Variants in SAMD13 observed in about 807,000 individuals in gnomAD.
SAMD13 encodes the protein sterile alpha motif domain-containing protein 13.
Under a neutral mutation model 12.4 loss-of-function variants are expected in SAMD13, and 9 were observed. That is an observed-to-expected ratio of 0.72 (90% CI 0.44 to 1.26). SAMD13 has a LOEUF of 1.26. Among genes scored for constraint, SAMD13 ranks in the 50% most tolerant of loss-of-function variants. The probability of loss-of-function intolerance (pLI) is 0.00; values close to 1 mark genes in which losing one functional copy is unlikely to be tolerated. For missense variants in SAMD13, 84 were observed against 119.6 expected (o/e 0.70, Z 1.39); for synonymous variants, 46 against 45.4 (o/e 1.01, Z -0.05).
At chr1:84,341,640 T>C (rs1413425708) in intron 3 of SAMD13, among the ~76,000 whole-genome samples, 1 of 152,058 alleles carries the variant, frequency 6.6e-6, no homozygotes. Flanking sequence ...AGCTCCCTGG[T>C]CAATCATTGG....
intron 3 of SAMD13, among the ~76,000 whole-genome samples, chr1:84,340,616 A>G (rs1679403048): frequency 6.6e-6 from 1 of 152,218 alleles, no homozygotes; most frequent in Admixed American, 6.5e-5. Flanking sequence ...GCCAGCCATA[A>G]TATATGTCAT....
At chr1:84,343,329 T>G (rs1253637062) in intron 3 of SAMD13, among the ~76,000 whole-genome samples, 1 of 152,224 alleles carries the variant, frequency 6.6e-6, no homozygotes, top group African/African-American at 2.4e-5. Context: ...AGGAATACCA[T>G]TTGATTCAGC....
At chr1:84,328,107 C>A (rs1679097807) in intron 3 of SAMD13, among the ~76,000 whole-genome samples, 1 of 152,192 alleles carries the variant, frequency 6.6e-6, no homozygotes, top group Admixed American at 6.5e-5. Flanking sequence ...AGCTTTTGCT[C>A]AGACTCCTTG....
chr1:84,325,338 G>A (rs1679034156), intron 2 of SAMD13, among the ~76,000 whole-genome samples: 1 of 152,140 alleles, frequency 6.6e-6, no homozygotes, highest in Admixed American at 6.5e-5. Context: ...CAGGAAGAGA[G>A]AGCGGTATGT....
rs553761794 is a variant in SAMD13 at position 84,331,354 on chromosome 1, A to AAAAAAAAAAATAC, written c.165+5610_165+5611insAAAAAATACAAAA. On this transcript the variant is annotated intron_variant, in intron 3 of 3. Transcript: ENST00000394834. ...AAAAAAAAAAAAAAAAAAAAAAAAAAAAAATTATGGATACAAACTTGTTAA... is the reference window on the plus strand; with the variant it reads ...AAAAAAAAAAAAAAAAAAAAAAAAAAAAAAAAAAAATACAAAATTATGGATACAAACTTGTTAA... Among the ~76,000 whole-genome samples, 22 of 82,458 alleles carry AAAAAAAAAAATAC rather than the reference A, an allele frequency of 2.7e-4. 6 individuals are homozygous for AAAAAAAAAAATAC. The highest frequency in any genetic ancestry group is 1.7e-3 in the South Asian group (4 of 2,336). 54.1% of individuals were successfully genotyped at this position (82,458 alleles called of 152,430 possible).
chr1:84,341,531 G>T (rs369084646), intron 3 of SAMD13, among the ~76,000 whole-genome samples: 12 of 152,096 alleles, frequency 7.9e-5, no homozygotes, highest in African/African-American at 2.7e-4. Flanking sequence ...TAGAGAAGCT[G>T]GATTGCTGGA....
chr1:84,311,257 A>G (rs1321873995), intron 2 of SAMD13, among the ~76,000 whole-genome samples: 2 of 150,930 alleles, frequency 1.3e-5, no homozygotes, highest in African/African-American at 4.9e-5. Flanking sequence ...AATCGCTTGA[A>G]CCCAGGAGGC....
intron 3 of SAMD13, 73 bp downstream of exon 3, chr1:84,325,821 A>G: frequency 1.1e-6 from 1 of 894,480 alleles, no homozygotes; most frequent in Non-Finnish European, 1.8e-6. Context: ...AACAGTGGGC[A>G]GAAGGGAGTG....
chr1:84,343,489 C>T (rs1044518669), intron 3 of SAMD13, among the ~76,000 whole-genome samples: 6 of 152,038 alleles, frequency 3.9e-5, no homozygotes, highest in African/African-American at 7.2e-5. Flanking sequence ...ATAAAGAAAA[C>T]GTGGTACATA....
At chr1:84,347,902 A>T (rs1679565927) in intron 3 of SAMD13, among the ~76,000 whole-genome samples, 1 of 152,136 alleles carries the variant, frequency 6.6e-6, no homozygotes, top group Non-Finnish European at 1.5e-5. Flanking sequence ...TCCTTAAGGA[A>T]TTTTCTGCTC....
At chr1:84,343,260 T>C (rs1031526972) in intron 3 of SAMD13, among the ~76,000 whole-genome samples, 2 of 152,208 alleles carry the variant, frequency 1.3e-5, no homozygotes, top group South Asian at 2.1e-4. Flanking sequence ...TTGGTGTGAA[T>C]GTAAATTAGT....
rs1486371936 is a variant in SAMD13 at position 84,325,669 on chromosome 1, C to T, written c.86C>T (p.Ala29Val). The T allele has an allele frequency of 1.2e-6, 2 of 1,613,074 alleles. No individual in the cohort carries two copies. The highest frequency in any genetic ancestry group is 1.3e-5 in the African/African-American group (1 of 74,846). The change falls in exon 3 of 4, where the codon GCA (alanine) becomes GTA (valine). Residue 29 changes from alanine to valine, a missense_variant. By Grantham distance (64) the Ala-to-Val change is moderately conservative. Transcript: ENST00000394834. ...GAAAATGGGAGACCACCTGATCCTG[C>T]AGACTGGGCCGTGATGGATGTCGTC... is the stretch of plus-strand genomic sequence containing the variant. The part of the protein sequence containing the change: ...SMENGRPPDP[A>V]DWAVMDVVNY...
chr1:84,339,213 ACT>A (rs1461866948), intron 3 of SAMD13, among the ~76,000 whole-genome samples: 1 of 151,806 alleles, frequency 6.6e-6, no homozygotes, highest in Non-Finnish European at 1.5e-5. Flanking sequence ...ATAAGAAGAC[ACT>A]CTGACTTTTT....
chr1:84,327,713 CA>C (rs1355138706), intron 3 of SAMD13, among the ~76,000 whole-genome samples: 2 of 152,082 alleles, frequency 1.3e-5, no homozygotes, highest in Non-Finnish European at 2.9e-5. Flanking sequence ...ATGCATCAAA[CA>C]TATGCATTGG....
chr1:84,339,575 C>T (rs1408360410), intron 3 of SAMD13, among the ~76,000 whole-genome samples: 1 of 152,156 alleles, frequency 6.6e-6, no homozygotes, highest in African/African-American at 2.4e-5. Flanking sequence ...GAGGTATTCC[C>T]TGTCTGCTGG....
chr1:84,301,915 TG>T, intron 1 of SAMD13, 114 bp downstream of exon 1: 1 of 319,940 alleles, frequency 3.1e-6, no homozygotes, highest in Non-Finnish European at 4.5e-6. Flanking sequence ...TTTTCTGAGA[TG>T]CTTAGAAAAT....
chr1:84,337,814 T>C (rs1220983405), intron 3 of SAMD13, among the ~76,000 whole-genome samples: 1 of 152,258 alleles, frequency 6.6e-6, no homozygotes, highest in African/African-American at 2.4e-5. Context: ...CTTATAAAAC[T>C]GAATGCCTTT....
chr1:84,325,347 G>GTT (rs1206053659), intron 2 of SAMD13, among the ~76,000 whole-genome samples: 1 of 152,148 alleles, frequency 6.6e-6, no homozygotes. Flanking sequence ...AGAGCGGTAT[G>GTT]TTGAGGTCAT....
At chr1:84,339,164 T>A (rs1050553502) in intron 3 of SAMD13, among the ~76,000 whole-genome samples, 2 of 152,226 alleles carry the variant, frequency 1.3e-5, no homozygotes, top group Non-Finnish European at 2.9e-5. Flanking sequence ...TCAGTCTGGT[T>A]AAGAACAATT....
Sources: gnomAD v4.1 joint callset for allele counts (sites outside exome capture counted in the v4.1 genomes callset) on GRCh38, gnomAD v4.1.1 for gene constraint, MANE v1.5 for transcripts, NCBI Gene and HGNC (gene_info 2026-07-23, HGNC 2026-07-21) for gene names.